The following XIRP2 variants were observed in gnomAD, a reference collection of about 807,000 sequenced individuals.
XIRP2 encodes the protein xin actin-binding repeat-containing protein 2.
A neutral mutation model predicts 277.0 loss-of-function variants in XIRP2; 236 were observed. That is an observed-to-expected ratio of 0.85 (90% confidence interval 0.77 to 0.95). XIRP2 has a LOEUF of 0.95. XIRP2 is among the 40% of genes least tolerant of loss of function. XIRP2 has a pLI of 0.00. For missense variants in XIRP2, 4,640 were observed against 4,157.5 expected (o/e 1.12, Z -3.19); for synonymous variants, 1,490 against 1,416.5 (o/e 1.05, Z -1.17).
At chr2:167,143,645 C>T (rs761389980) in intron 3 of XIRP2, among the ~76,000 whole-genome samples, 1 of 152,100 alleles carries the variant, frequency 6.6e-6, no homozygotes, top group African/African-American at 2.4e-5. Flanking sequence ...GTTAATTAGA[C>T]TCAGCTGCCA....
chr2:166,971,415 A>C (rs1449708982), intron 2 of XIRP2, among the ~76,000 whole-genome samples: 2 of 152,044 alleles, frequency 1.3e-5, no homozygotes, highest in Non-Finnish European at 2.9e-5. Flanking sequence ...TATTGGGCCT[A>C]TGTGATATTA....
At chr2:166,906,642 G>A (rs1477495424) in intron 2 of XIRP2, among the ~76,000 whole-genome samples, 1 of 151,928 alleles carries the variant, frequency 6.6e-6, no homozygotes, top group African/African-American at 2.4e-5. Flanking sequence ...CTAGAAAAAG[G>A]GATCTACAGA....
intron 2 of XIRP2, among the ~76,000 whole-genome samples, chr2:167,013,136 G>A (rs1271963151): frequency 6.6e-6 from 1 of 151,012 alleles, no homozygotes; most frequent in Non-Finnish European, 1.5e-5. Context: ...TTCCCAATAT[G>A]ACTCATGTCA....
At chr2:167,020,434 T>C (rs933053086) in intron 2 of XIRP2, among the ~76,000 whole-genome samples, 1 of 152,032 alleles carries the variant, frequency 6.6e-6, no homozygotes, top group Non-Finnish European at 1.5e-5. Flanking sequence ...ACTTAATCTT[T>C]GAAAAATGAA....
chr2:166,935,711 C>T (rs6432958), intron 2 of XIRP2, among the ~76,000 whole-genome samples: 3,013 of 152,188 alleles, frequency 0.02, 98 homozygotes, highest in African/African-American at 0.068. Flanking sequence ...TGGTTTCCAG[C>T]TTCATCCATG....
chr2:166,953,696 G>A (rs775739519), intron 2 of XIRP2, among the ~76,000 whole-genome samples: 1 of 151,902 alleles, frequency 6.6e-6, no homozygotes, highest in Non-Finnish European at 1.5e-5. Context: ...TATAGGCTCT[G>A]AGGATGAGCT....
chr2:167,025,733 A>G (rs1247328522), intron 2 of XIRP2, among the ~76,000 whole-genome samples: 1 of 152,116 alleles, frequency 6.6e-6, no homozygotes, highest in African/African-American at 2.4e-5. Flanking sequence ...ATTCAGGAGC[A>G]GGTTGTTCAG....
intron 2 of XIRP2, among the ~76,000 whole-genome samples, chr2:167,066,716 G>T (rs138565410): frequency 1.2e-3 from 184 of 152,038 alleles, no homozygotes; most frequent in African/African-American, 4.1e-3. Flanking sequence ...ACAAAAGTAA[G>T]ATATGGAAAC....
intron 2 of XIRP2, among the ~76,000 whole-genome samples, chr2:167,031,982 G>A (rs969096587): frequency 2.6e-5 from 4 of 152,076 alleles, no homozygotes; most frequent in Non-Finnish European, 5.9e-5. Context: ...ACAAAAAAGA[G>A]CCCATATAGC....
chr2:166,910,776 T>C (rs1476309125), intron 2 of XIRP2, among the ~76,000 whole-genome samples: 1 of 152,214 alleles, frequency 6.6e-6, no homozygotes, highest in Admixed American at 6.5e-5. Flanking sequence ...CTCTACACAC[T>C]GCTTTGAATG....
Position 167,249,741 on chromosome 2 carries a change from A to G in XIRP2, c.8349A>G (p.Gln2783=), listed in dbSNP as rs1211735448. ...LPKKEKRVTV[Q]LPTESIQKNQ... is the part of the protein sequence containing the mutation. The stretch of plus-strand genomic sequence containing the variant: ...AGAAGGAGAAAAGAGTGACAGTACA[A>G]TTGCCTACAGAATCCATACAGAAGA... Residue 2783 remains glutamine (Q), a synonymous_variant, in exon 9 of 11, where the codon CAA becomes CAG. Transcript: ENST00000409195. 1 of 1,613,274 alleles carries G rather than the reference A, an allele frequency of 6.2e-7. No individual in the cohort carries two copies. Among genetic ancestry groups the G allele is most frequent in the East Asian group, 2.2e-5 (1 of 44,830 alleles).
intron 2 of XIRP2, among the ~76,000 whole-genome samples, chr2:167,033,971 A>C (rs1202861549): frequency 1.3e-5 from 2 of 152,192 alleles, no homozygotes; most frequent in Non-Finnish European, 2.9e-5. Flanking sequence ...TACACAGACA[A>C]ACACAGAATA....
intron 5 of XIRP2, among the ~76,000 whole-genome samples, chr2:167,231,996 C>G (rs1416205332): frequency 6.6e-6 from 1 of 151,864 alleles, no homozygotes; most frequent in Non-Finnish European, 1.5e-5. Flanking sequence ...TCTCCAGTTT[C>G]CTGGAGATTT....
chr2:167,155,100 A>C (rs1282658236), intron 3 of XIRP2, among the ~76,000 whole-genome samples: 1 of 151,288 alleles, frequency 6.6e-6, no homozygotes, highest in East Asian at 1.9e-4. Flanking sequence ...TGTGGCAATA[A>C]TCAATAGCTT....
chr2:166,925,004 C>A (rs914796953), intron 2 of XIRP2, among the ~76,000 whole-genome samples: 2 of 151,950 alleles, frequency 1.3e-5, no homozygotes, highest in African/African-American at 2.4e-5. Flanking sequence ...AAGCTTTTTT[C>A]TCCTCTTTCT....
At chr2:167,232,393 TTCCTTC>T (rs1312473968) in intron 5 of XIRP2, among the ~76,000 whole-genome samples, 1 of 151,852 alleles carries the variant, frequency 6.6e-6, no homozygotes, top group African/African-American at 2.4e-5. Flanking sequence ...AGGCTCCTTT[TTCCTTC>T]TCTCTTTGAG....
At chr2:167,232,306 C>T (rs1272162086) in intron 5 of XIRP2, among the ~76,000 whole-genome samples, 3 of 151,892 alleles carry the variant, frequency 2.0e-5, no homozygotes, top group Non-Finnish European at 4.4e-5. Context: ...ATCACAAACC[C>T]GCTCTCTGGC....
chr2:167,015,432 A>G (rs1448865632), intron 2 of XIRP2, among the ~76,000 whole-genome samples: 3 of 150,958 alleles, frequency 2.0e-5, no homozygotes, highest in Non-Finnish European at 4.4e-5. Flanking sequence ...CTATCTATCT[A>G]TCTATCTATC....
chr2:167,039,287 C>G (rs1269657472), intron 2 of XIRP2, among the ~76,000 whole-genome samples: 1 of 152,144 alleles, frequency 6.6e-6, no homozygotes, highest in Admixed American at 6.5e-5. Flanking sequence ...ATAAAGCCTG[C>G]TAATTTTCCT....
Sources: gnomAD v4.1 joint callset for allele counts (sites outside exome capture counted in the v4.1 genomes callset) on GRCh38, gnomAD v4.1.1 for gene constraint, MANE v1.5 for transcripts, NCBI Gene and HGNC (gene_info 2026-07-23, HGNC 2026-07-21) for gene names.